GRM5: variants seen among roughly 807,000 people sequenced by gnomAD.
GRM5 encodes the protein metabotropic glutamate receptor 5.
A neutral mutation model predicts 83.1 loss-of-function variants in GRM5; 19 were observed. The ratio of observed to expected loss-of-function variants is 0.23; its 90% CI spans 0.16 to 0.34. The LOEUF (loss-of-function observed/expected upper bound fraction) is 0.34. Ranked by LOEUF, GRM5 falls within the 10% of genes least tolerant of loss-of-function variation. The pLI is 1.00. For synonymous variants in GRM5, 675 were observed against 633.6 expected, an observed-to-expected ratio of 1.07 and a Z score of -0.98; for missense variants, 1,160 against 1,588.3, an observed-to-expected ratio of 0.73 and a Z score of 4.58.
intron 3 of GRM5, among the ~76,000 whole-genome samples, chr11:88,714,642 C>A (rs1204585365): frequency 6.6e-6 from 1 of 151,864 alleles, no homozygotes; most frequent in Non-Finnish European, 1.5e-5. Flanking sequence ...CTGCTGCTTG[C>A]AAGTGCATTT....
At chr11:88,975,771 A>G (rs1180102166) in intron 2 of GRM5, among the ~76,000 whole-genome samples, 2 of 152,214 alleles carry the variant, frequency 1.3e-5, no homozygotes, top group African/African-American at 2.4e-5. Context: ...TTAAAATGAC[A>G]ATGTTGGTCT....
At chr11:88,581,032 C>T (rs12281166) in intron 7 of GRM5, among the ~76,000 whole-genome samples, 6,875 of 152,100 alleles carry the variant, frequency 0.045, 508 homozygotes, top group African/African-American at 0.15. Flanking sequence ...TGCTTGAACC[C>T]GGGAGGCGGA....
intron 3 of GRM5, among the ~76,000 whole-genome samples, chr11:88,738,519 T>C (rs1394771642): frequency 6.6e-6 from 1 of 152,142 alleles, no homozygotes; most frequent in Non-Finnish European, 1.5e-5. Flanking sequence ...TCTGAGTTCA[T>C]GATTCTTAAT....
At chr11:88,663,584 A>G (rs1939960776) in intron 3 of GRM5, among the ~76,000 whole-genome samples, 1 of 152,160 alleles carries the variant, frequency 6.6e-6, no homozygotes. Context: ...CTGTTTTTTC[A>G]TGAAGTTTCC....
chr11:88,593,762 TTCTC>T (rs113152007), intron 6 of GRM5, among the ~76,000 whole-genome samples: 4,142 of 90,000 alleles, frequency 0.046, 193 homozygotes, highest in African/African-American at 0.11. Flanking sequence ...CCCTCCCTCC[TTCTC>T]TCTCTCTCTC....
chr11:88,626,396 G>T (rs1938798507), intron 4 of GRM5, among the ~76,000 whole-genome samples: 1 of 151,210 alleles, frequency 6.6e-6, no homozygotes, highest in Non-Finnish European at 1.5e-5. Context: ...GTTTATAAAT[G>T]CACAAACCTC....
chr11:88,509,192 G>A lies in GRM5; in HGVS notation c.3039C>T (p.Pro1013=). The change falls in exon 10 of 10, where the codon CCC becomes CCT. Residue 1013 remains proline, a synonymous_variant. Coordinates refer to ENST00000305447, the MANE Select transcript of GRM5 (RefSeq NM_001143831.3). The stretch of plus-strand genomic sequence containing the variant: ...TGGGCGACGGTGAGCGCGGCCGCGC[G>A]GGCGCCGGGAAGTGCTCCTCAGCCT... ...VAEAEEHFPA[P]ARPRSPSPIS... 1 of 1,534,180 alleles carries A rather than the reference G, an allele frequency of 6.5e-7. No homozygotes were observed. The highest frequency in any genetic ancestry group is 1.2e-5 in the South Asian group (1 of 83,060).
At chr11:88,974,664 C>T (rs1481116404) in intron 2 of GRM5, among the ~76,000 whole-genome samples, 1 of 152,082 alleles carries the variant, frequency 6.6e-6, no homozygotes, top group Non-Finnish European at 1.5e-5. Flanking sequence ...GTAAGTTTTA[C>T]ATTCTATCAT....
chr11:88,636,367 C>T (rs1471143092), intron 4 of GRM5, among the ~76,000 whole-genome samples: 1 of 152,054 alleles, frequency 6.6e-6, no homozygotes, highest in East Asian at 1.9e-4. Flanking sequence ...CCAAAATTAT[C>T]TGGGCTTGGT....
At chr11:88,651,615 C>A (rs12282278) in intron 4 of GRM5, among the ~76,000 whole-genome samples, 2 of 152,026 alleles carry the variant, frequency 1.3e-5, no homozygotes, top group South Asian at 2.1e-4. Context: ...TTGTTTCTCA[C>A]GTATTTTGCC....
chr11:88,599,858 A>T (rs2135223420), intron 5 of GRM5, among the ~76,000 whole-genome samples: 1 of 152,214 alleles, frequency 6.6e-6, no homozygotes, highest in East Asian at 1.9e-4. Flanking sequence ...CTAAAAATAA[A>T]AAAAATTAGC....
chr11:88,821,565 G>T (rs1005902861), intron 3 of GRM5, among the ~76,000 whole-genome samples: 1 of 151,886 alleles, frequency 6.6e-6, no homozygotes, highest in Non-Finnish European at 1.5e-5. Context: ...TTCTTCTCTG[G>T]ACTATTGCAA....
chr11:88,987,082 T>C (rs1250142526), intron 2 of GRM5, among the ~76,000 whole-genome samples: 1 of 152,000 alleles, frequency 6.6e-6, no homozygotes, highest in African/African-American at 2.4e-5. Flanking sequence ...GATTTCTGCA[T>C]TTCCATCTGA....
At chr11:88,949,891 G>GTCTT (rs1418664103) in intron 2 of GRM5, among the ~76,000 whole-genome samples, 2 of 152,078 alleles carry the variant, frequency 1.3e-5, no homozygotes, top group Non-Finnish European at 2.9e-5. Flanking sequence ...TTCAGGTGGG[G>GTCTT]TCTTGCTCTG....
chr11:88,719,154 T>C (rs1417014297), intron 3 of GRM5, among the ~76,000 whole-genome samples: 2 of 151,942 alleles, frequency 1.3e-5, no homozygotes, highest in Non-Finnish European at 2.9e-5. Context: ...GTATAGATTA[T>C]TTCATCACCC....
In GRM5 at chr11:88,644,768, T is replaced by C. The variant is rs1044168468; in HGVS notation, c.1147+8400A>G. Among the ~76,000 whole-genome samples the C allele has an allele frequency of 5.9e-5, 9 of 152,100 alleles. No individual in the cohort carries two copies. The East Asian group carries it at 1.7e-3, about 29-fold the overall frequency. On this transcript the variant is annotated intron_variant, in intron 4 of 9. Coordinates refer to ENST00000305447, the MANE Select transcript of GRM5 (RefSeq NM_001143831.3). ...TGAAGTGGAGAGAAACTTGTGTTAG[T>C]GTGTAGAAATACTGAGAAGAGAGGA... is the stretch of plus-strand genomic sequence containing the variant.
intron 3 of GRM5, among the ~76,000 whole-genome samples, chr11:88,742,518 T>G (rs1290348895): frequency 6.6e-6 from 1 of 152,056 alleles, no homozygotes; most frequent in Non-Finnish European, 1.5e-5. Flanking sequence ...CCACCTGCTT[T>G]AATTTGCTAA....
At chr11:88,821,806 G>T (rs763261751) in intron 3 of GRM5, among the ~76,000 whole-genome samples, 1 of 152,004 alleles carries the variant, frequency 6.6e-6, no homozygotes, top group Non-Finnish European at 1.5e-5. Flanking sequence ...ATTAAAACTT[G>T]AAAAACACCC....
At chr11:88,774,177 A>G (rs1370750238) in intron 3 of GRM5, among the ~76,000 whole-genome samples, 1 of 152,128 alleles carries the variant, frequency 6.6e-6, no homozygotes, top group Non-Finnish European at 1.5e-5. Flanking sequence ...CATCCCTTGT[A>G]AGTTGGATTC....
Sources: gnomAD v4.1 joint callset for allele counts (sites outside exome capture counted in the v4.1 genomes callset) on GRCh38, gnomAD v4.1.1 for gene constraint, MANE v1.5 for transcripts, NCBI Gene and HGNC (gene_info 2026-07-23, HGNC 2026-07-21) for gene names.